INTS3: variants seen among roughly 807,000 people sequenced by gnomAD.
INTS3 encodes integrator complex subunit 3.
In INTS3, 34 loss-of-function variants were observed where a neutral mutation model predicts 146.3. The observed-to-expected ratio is 0.23, with a 90% CI of 0.18 to 0.31. INTS3 has a LOEUF of 0.31. Ranked by LOEUF, INTS3 falls within the 10% of genes least tolerant of loss-of-function variation. The pLI, the probability that INTS3 is intolerant of heterozygous loss-of-function variation, is 1.00. For missense variants in INTS3, 757 were observed against 1,304.2 expected (o/e 0.58, Z 6.46); for synonymous variants, 475 against 494.9 (o/e 0.96, Z 0.53).
intron 12 of INTS3, 53 bp from the exon 13 acceptor site, chr1:153,760,774 A>G (rs1053933788): frequency 2.2e-6 from 3 of 1,375,732 alleles, no homozygotes; most frequent in Non-Finnish European, 3.1e-6. Flanking sequence ...AATTCAGCGG[A>G]AGCCTCTGGA....
Position 153,744,038 on chromosome 1 carries a change from C to CGTGTGT in INTS3, c.318+2709_318+2714dup, listed in dbSNP as rs200825280. Reference sequence around the variant, plus strand: ...TTTCCTCACTGAGGGTGTGCATGTGCGTGTGTGTGTGTGTGTGTGTGTGTG... The same window carrying CGTGTGT: ...TTTCCTCACTGAGGGTGTGCATGTGCGTGTGTGTGTGTGTGTGTGTGTGTGTGTGTG... On this transcript the variant is annotated intron_variant, in intron 3 of 29. Coordinates refer to ENST00000318967, the MANE Select transcript of INTS3 (RefSeq NM_023015.5). Among the ~76,000 whole-genome samples the CGTGTGT allele has an allele frequency of 6.3e-3, 892 of 142,330 alleles. 12 individuals carry two copies. Among genetic ancestry groups the CGTGTGT allele is most frequent in the African/African-American group, 0.019 (744 of 38,176 alleles). 93.4% of individuals were successfully genotyped at this position (142,330 alleles called of 152,430 possible).
At position 153,728,268 on chromosome 1, in the gene INTS3, A is replaced by T. The variant is rs373890894; in HGVS notation, c.-367A>T. On this transcript the variant is annotated 5_prime_UTR_variant, in exon 1 of 30. Transcript: ENST00000318967. ...CCTCTTTTCCCCCCACGGGGAAAAG[A>T]GGCAGAAACTTAGGGGTTTCCCTCC... 363 of 389,078 alleles carry T rather than the reference A, an allele frequency of 9.3e-4. 3 individuals are homozygous for T. Among genetic ancestry groups the T allele is most frequent in the African/African-American group, 7.1e-3 (346 of 48,506 alleles). 24.1% of individuals were successfully genotyped at this position (389,078 alleles called of 1,614,324 possible).
At chr1:153,771,399 C>T (rs1381285155) in intron 25 of INTS3, among the ~76,000 whole-genome samples, 2 of 152,198 alleles carry the variant, frequency 1.3e-5, no homozygotes, top group Non-Finnish European at 2.9e-5. Context: ...CTTCACAACC[C>T]TCTCCTGCCC....
chr1:153,752,133 C>A, intron 7 of INTS3, 146 bp from the exon 8 acceptor site: 1 of 832,936 alleles, frequency 1.2e-6, no homozygotes, highest in Non-Finnish European at 2.0e-6. Flanking sequence ...AGGAGCCAAT[C>A]CTTTGGTTCC....
chr1:153,765,726 C>G (rs910889074), intron 20 of INTS3, among the ~76,000 whole-genome samples: 2 of 152,060 alleles, frequency 1.3e-5, no homozygotes, highest in African/African-American at 4.8e-5. Flanking sequence ...CCCACCACCA[C>G]GCCCAGCTAA....
intron 12 of INTS3, 175 bp downstream of exon 12, chr1:153,760,565 C>T (rs943122732): frequency 1.2e-4 from 74 of 632,364 alleles, no homozygotes; most frequent in Non-Finnish European, 1.8e-4. Context: ...ACTGTCTGCA[C>T]TTGGATCTTC....
chr1:153,754,556 G>T (rs1320480208), intron 8 of INTS3, 86 bp from the exon 9 acceptor site: 4 of 923,838 alleles, frequency 4.3e-6, no homozygotes, highest in Admixed American at 3.4e-5. Flanking sequence ...CTGGCCATCA[G>T]TACCTGGCCC....
At chr1:153,734,296 G>T (rs1201229114) in intron 1 of INTS3, among the ~76,000 whole-genome samples, 1 of 152,178 alleles carries the variant, frequency 6.6e-6, no homozygotes, top group Non-Finnish European at 1.5e-5. Context: ...CTGGCTTCCT[G>T]TGGCTTTCTT....
Position 153,772,874 on chromosome 1 carries a change from C to A in INTS3, c.2895-51C>A. The A allele has an allele frequency of 6.2e-7, 1 of 1,606,338 alleles. No homozygotes were observed. The highest frequency in any genetic ancestry group is 8.5e-7 in the Non-Finnish European group (1 of 1,173,778). ...GGGGCAGAGAAGAGGATGGGAGGTGCCGTAGGAGCAGCAGGCTCCCACTCA... is the reference window on the plus strand; with the variant it reads ...GGGGCAGAGAAGAGGATGGGAGGTGACGTAGGAGCAGCAGGCTCCCACTCA... On this transcript the variant is annotated intron_variant, in intron 28 of 29. Coordinates refer to ENST00000318967, the MANE Select transcript of INTS3 (RefSeq NM_023015.5). This position sits in a 1 kb window ranked among gnomAD's most constrained non-coding sequence, Gnocchi z 4.6.
Position 153,748,763 on chromosome 1 carries a change from C to T in INTS3, c.584+8C>T. 6.2e-7 allele frequency: 1 copy of T among 1,612,418 alleles called. No individual in the cohort carries two copies. The highest frequency in any genetic ancestry group is 8.5e-7 in the Non-Finnish European group (1 of 1,178,454). ...TATCCTGACAGAGCAAAGGTAGCATCCACCACGAAGGGTGGGGTACAGGCC... is the reference window on the plus strand; with the variant it reads ...TATCCTGACAGAGCAAAGGTAGCATTCACCACGAAGGGTGGGGTACAGGCC... On this transcript the variant is annotated splice_region_variant and intron_variant, in intron 6 of 29. Transcript: ENST00000318967.
chr1:153,770,919 G>A (rs1389949591), intron 25 of INTS3, among the ~76,000 whole-genome samples, 186 bp downstream of exon 25: 6 of 152,066 alleles, frequency 3.9e-5, no homozygotes, highest in African/African-American at 1.2e-4. Context: ...GCTTCCTCTC[G>A]ACTTTACCCC....
chr1:153,773,023 G>A lies in INTS3; in HGVS notation c.2993G>A (p.Arg998Gln). The A allele has an allele frequency of 1.9e-6, 3 of 1,614,138 alleles. No individual in the cohort carries two copies. Among genetic ancestry groups the A allele is most frequent in the East Asian group, 2.2e-5 (1 of 44,878 alleles). ...GCAGCTCTGTCCAGCCCTCGAAGTCGAAAGAATGCCACACAGCCCCCCAAT... is the reference window on the plus strand; with the variant it reads ...GCAGCTCTGTCCAGCCCTCGAAGTCAAAAGAATGCCACACAGCCCCCCAAT... ...RKAALSSPRS[R>Q]KNATQPPNAE... The change falls in exon 29 of 30, where the codon CGA becomes CAA. Residue 998 changes from arginine to glutamine, a missense_variant. By Grantham distance (43) the Arg-to-Gln change is conservative. Transcript: ENST00000318967.
Position 153,770,119 on chromosome 1 carries a change from TGGG to T in INTS3, c.2390-74_2390-72del, listed in dbSNP as rs1672774884. 13 of 350,794 alleles carry T rather than the reference TGGG, an allele frequency of 3.7e-5. No homozygotes were observed. In the African/African-American group the frequency reaches 5.8e-4, roughly 16 times the overall value. The allele number at this position is 350,794 out of a possible 1,614,324, so 21.7% of individuals were successfully genotyped here. A position where few individuals can be genotyped will look rare whatever the true frequency, so the allele number is the denominator to read the frequency against. On this transcript the variant is annotated intron_variant, in intron 23 of 29. Coordinates refer to ENST00000318967, the MANE Select transcript of INTS3 (RefSeq NM_023015.5). ...TGTGTGTGTGCTGGTAGTCAGTGGATGGGGGGGTGGGGGGGGTGTGTGTGTGTG... is the reference window on the plus strand; with the variant it reads ...TGTGTGTGTGCTGGTAGTCAGTGGATGGGGTGGGGGGGGTGTGTGTGTGTG...
At chr1:153,759,055 T>C (rs1003592975) in intron 10 of INTS3, among the ~76,000 whole-genome samples, 4 of 151,862 alleles carry the variant, frequency 2.6e-5, no homozygotes, top group Non-Finnish European at 5.9e-5. Flanking sequence ...AGGTCAAGGC[T>C]GGAGTAAGCC....
At position 153,754,733 on chromosome 1, in the gene INTS3, A is replaced by G. The variant is rs747066684; in HGVS notation, c.951A>G (p.Thr317=). 11 of 1,598,728 alleles carry G rather than the reference A, an allele frequency of 6.9e-6. No homozygotes were observed. Among genetic ancestry groups the G allele is most frequent in the Non-Finnish European group, 8.6e-6 (10 of 1,165,998 alleles). The stretch of plus-strand genomic sequence containing the variant: ...TGGAGACTAAACTCCTCTTCATGAC[A>G]TCCCGGGTAAGCTAAGGTGTTGCAG... The part of the protein sequence containing the change: ...PDMETKLLFM[T]SRVRFGQQKR... Residue 317 remains threonine (T), a synonymous_variant, in exon 9 of 30, where the codon ACA becomes ACG. Coordinates refer to ENST00000318967, the MANE Select transcript of INTS3 (RefSeq NM_023015.5).
chr1:153,772,598 T>C lies in INTS3; in HGVS notation c.2822-41T>C, dbSNP rs775953337. 3.7e-6 allele frequency: 6 copies of C among 1,613,914 alleles called. No homozygotes were observed. The highest frequency in any genetic ancestry group is 2.2e-5 in the South Asian group (2 of 91,042). ...GCTGTTTAATAAGCTCCCAGACATC[T>C]GATTGTTTTTCCTTCCCTGCTCTCC... is the stretch of plus-strand genomic sequence containing the variant. On this transcript the variant is annotated intron_variant, in intron 27 of 29. Transcript: ENST00000318967. The surrounding 1 kb of genome is among the most constrained non-coding windows in gnomAD (Gnocchi z 4.6).
Position 153,772,768 on chromosome 1 carries a change from A to T in INTS3, c.2894+57A>T. 3.1e-6 allele frequency: 5 copies of T among 1,597,150 alleles called. No homozygotes were observed. The highest frequency in any genetic ancestry group is 4.3e-6 in the Non-Finnish European group (5 of 1,171,092). On this transcript the variant is annotated intron_variant, in intron 28 of 29. Transcript: ENST00000318967. The surrounding 1 kb of genome is among the most constrained non-coding windows in gnomAD (Gnocchi z 4.6). ...GTAGTAGGGGAAAAGCCTAAGGGAG[A>T]GGAAGCCTGCTAGGGACATAAACGT...
intron 1 of INTS3, among the ~76,000 whole-genome samples, chr1:153,737,420 C>T (rs1306754840): frequency 6.6e-6 from 1 of 152,208 alleles, no homozygotes; most frequent in Non-Finnish European, 1.5e-5. Context: ...ATGTTGAACA[C>T]ATGACATGGT....
chr1:153,767,593 T>C (rs1458368749), intron 20 of INTS3, 81 bp from the exon 21 acceptor site: 1 of 1,431,786 alleles, frequency 7.0e-7, no homozygotes, highest in Non-Finnish European at 9.3e-7. Flanking sequence ...AAAGCAGTTT[T>C]AGAGCGGGAG....
Sources: gnomAD v4.1 joint callset for allele counts (sites outside exome capture counted in the v4.1 genomes callset) on GRCh38, gnomAD v4.1.1 for gene constraint, Gnocchi (gnomAD v3.1) non-coding constraint, MANE v1.5 for transcripts, NCBI Gene and HGNC (gene_info 2026-07-23, HGNC 2026-07-21) for gene names.